Variants in BUD31 observed in about 807,000 individuals in gnomAD.
BUD31 encodes the protein BUD31 spliceosome associated protein.
A neutral mutation model predicts 17.9 loss-of-function variants in BUD31; 9 were observed. The ratio of observed to expected loss-of-function variants is 0.50; its 90% CI spans 0.30 to 0.88. The LOEUF is 0.88. BUD31 is among the 40% of genes least tolerant of loss of function. The pLI is 0.06. For missense variants in BUD31, 148 were observed against 184.5 expected (o/e 0.80, Z 1.15); for synonymous variants, 70 against 64.7 (o/e 1.08, Z -0.39).
intron 3 of BUD31, among the ~76,000 whole-genome samples, chr7:99,412,290 CTG>C (rs1313446743): frequency 1.3e-5 from 2 of 152,160 alleles, no homozygotes; most frequent in Non-Finnish European, 2.9e-5. Flanking sequence ...TGGGAGCATG[CTG>C]GAATAGAAGA....
intron 3 of BUD31, 173 bp downstream of exon 3, chr7:99,411,359 C>G: frequency 1.8e-6 from 1 of 556,868 alleles, no homozygotes; most frequent in East Asian, 3.1e-5. Flanking sequence ...AATAAGATAA[C>G]ATTAATGAAA....
intron 5 of BUD31, chr7:99,419,014 C>G (rs910260806): frequency 4.3e-4 from 113 of 264,528 alleles, no homozygotes; most frequent in African/African-American, 2.4e-3. Context: ...CCAGAGTGTA[C>G]CAGCCCAGAG....
At chr7:99,417,827 T>A (rs1795590569) in intron 5 of BUD31, 1 of 1,481,746 alleles carries the variant, frequency 6.7e-7, no homozygotes, top group East Asian at 2.6e-5. Flanking sequence ...TTGGGCAAAT[T>A]ACTGAACCCC....
At chr7:99,413,326 G>A (rs73397447) in intron 3 of BUD31, among the ~76,000 whole-genome samples, 3 of 152,086 alleles carry the variant, frequency 2.0e-5, no homozygotes, top group African/African-American at 7.2e-5. Context: ...ACTGCCTTGC[G>A]GCAAGTATGA....
chr7:99,418,357 T>C, intron 5 of BUD31: 1 of 155,140 alleles, frequency 6.4e-6, no homozygotes, highest in South Asian at 2.0e-4. Context: ...GGAGCTGAGC[T>C]CCATCCGGTT....
At chr7:99,417,357 T>G in intron 4 of BUD31, 72 bp from the exon 5 acceptor site, 1 of 1,528,066 alleles carries the variant, frequency 6.5e-7, no homozygotes, top group South Asian at 1.1e-5. Flanking sequence ...CCGGCCTGAA[T>G]GCTTTTTTTG....
intron 2 of BUD31, 48 bp from the exon 3 acceptor site, chr7:99,411,016 G>T: frequency 7.9e-6 from 10 of 1,267,982 alleles, no homozygotes; most frequent in Non-Finnish European, 1.1e-5. Flanking sequence ...GCTGGCAAAG[G>T]CCTTTGGGGA....
rs745967150 is a variant in BUD31 at position 99,416,225 on chromosome 7, T to TA, written c.182_183insA (p.Phe61LeufsTer16). The TA allele has an allele frequency of 6.2e-7, 1 of 1,614,000 alleles. No individual in the cohort carries two copies. Among genetic ancestry groups the TA allele is most frequent in the South Asian group, 1.1e-5 (1 of 91,074 alleles). ...CACCACCAGAAAACCCGCTACATCT[T>TA]CGACCTCTTTTACAAGCGGAAAGCC... is the stretch of plus-strand genomic sequence containing the variant. On this transcript the variant is annotated frameshift_variant, in exon 4 of 6. Coordinates refer to ENST00000222969, the MANE Select transcript of BUD31 (RefSeq NM_003910.4). LOFTEE classifies it high-confidence loss of function.
chr7:99,418,427 T>C (rs778671331), intron 5 of BUD31: 1 of 154,196 alleles, frequency 6.5e-6, no homozygotes, highest in African/African-American at 2.4e-5. Context: ...GGCCGCTCAG[T>C]GCAGCCCCTC....
intron 5 of BUD31, 128 bp from the exon 6 acceptor site, chr7:99,419,263 A>T (rs1341271067): frequency 1.7e-6 from 2 of 1,166,624 alleles, no homozygotes; most frequent in African/African-American, 3.0e-5. Flanking sequence ...GCTGTCAAGG[A>T]AGGGTTTCTG....
At chr7:99,412,981 A>G (rs1435339224) in intron 3 of BUD31, among the ~76,000 whole-genome samples, 3 of 152,040 alleles carry the variant, frequency 2.0e-5, no homozygotes, top group Non-Finnish European at 4.4e-5. Context: ...CGCTACTGAT[A>G]GACATACCTG....
chr7:99,410,244 TCTCA>T (rs1795122208), intron 2 of BUD31, 75 bp downstream of exon 2: 1 of 152,134 alleles, frequency 6.6e-6, no homozygotes, highest in Admixed American at 6.6e-5. Flanking sequence ...TGAGACATGG[TCTCA>T]CTCCGTCACT....
At chr7:99,417,881 GTGGTGGC>G in intron 5 of BUD31, 1 of 1,360,064 alleles carries the variant, frequency 7.4e-7, no homozygotes, top group South Asian at 1.5e-5. Context: ...TAATCCCAAG[GTGGTGGC>G]AGGGTGACAT....
chr7:99,419,501 C>T lies in BUD31; in HGVS notation c.*60C>T. 5.0e-6 allele frequency: 8 copies of T among 1,593,278 alleles called. No homozygotes were observed. The highest frequency in any genetic ancestry group is 6.8e-6 in the Non-Finnish European group (8 of 1,168,790). On this transcript the variant is annotated 3_prime_UTR_variant, in exon 6 of 6. Transcript: ENST00000222969. Reference sequence around the variant, plus strand: ...CAGGTTCCTGCCTGTCACGCCACCCCCTTCCTGGGAGCAGCGAGCAGTGCC... The same window carrying T: ...CAGGTTCCTGCCTGTCACGCCACCCTCTTCCTGGGAGCAGCGAGCAGTGCC...
At chr7:99,409,769 C>CGGGGGGGGGGTGGGGGG (rs1795098964) in intron 1 of BUD31, among the ~76,000 whole-genome samples, 1 of 48,712 alleles carries the variant, frequency 2.1e-5, no homozygotes, top group Non-Finnish European at 4.9e-5. Context: ...GCTCTGTGGG[C>CGGGGGGGGGGTGGGGGG]GGGGGGGGGG....
At chr7:99,414,368 G>C (rs1208511507) in intron 3 of BUD31, among the ~76,000 whole-genome samples, 1 of 152,118 alleles carries the variant, frequency 6.6e-6, no homozygotes, top group Non-Finnish European at 1.5e-5. Flanking sequence ...TCGATCTCCT[G>C]ACCTCGTGGT....
intron 3 of BUD31, chr7:99,411,614 C>G: frequency 2.3e-6 from 1 of 438,750 alleles, no homozygotes; most frequent in South Asian, 1.6e-5. Flanking sequence ...TTTGTGAACC[C>G]GTGTCCTATG....
At chr7:99,415,265 A>G (rs1456668726) in intron 3 of BUD31, 1 of 455,980 alleles carries the variant, frequency 2.2e-6, no homozygotes, top group African/African-American at 2.0e-5. Context: ...CTCCAATGAT[A>G]GGTAAGGCCA....
chr7:99,416,216 G>A lies in BUD31; in HGVS notation c.173G>A (p.Arg58His), dbSNP rs781083617. The A allele has an allele frequency of 8.1e-6, 13 of 1,613,828 alleles. No homozygotes were observed. The Admixed American group carries it at 1.2e-4, about 14-fold the overall frequency. The change falls in exon 4 of 6, where the codon CGC (arginine) becomes CAC (histidine). Residue 58 changes from arginine to histidine, a missense_variant. By Grantham distance (29) the Arg-to-His change is conservative. Coordinates refer to ENST00000222969, the MANE Select transcript of BUD31 (RefSeq NM_003910.4). ...TTCAGGATCCACCACCAGAAAACCCGCTACATCTTCGACCTCTTTTACAAG... is the reference window on the plus strand; with the variant it reads ...TTCAGGATCCACCACCAGAAAACCCACTACATCTTCGACCTCTTTTACAAG... ...PIFRIHHQKT[R>H]YIFDLFYKRK...
Sources: gnomAD v4.1 joint callset for allele counts (sites outside exome capture counted in the v4.1 genomes callset) on GRCh38, gnomAD v4.1.1 for gene constraint, MANE v1.5 for transcripts, NCBI Gene and HGNC (gene_info 2026-07-23, HGNC 2026-07-21) for gene names.